The following MYO10 variants were observed in gnomAD, a reference collection of about 807,000 sequenced individuals.
MYO10 encodes the protein unconventional myosin-X.
A neutral mutation model predicts 257.3 loss-of-function variants in MYO10; 133 were observed. The ratio of observed to expected loss-of-function variants is 0.52; its 90% CI spans 0.45 to 0.60. The LOEUF (loss-of-function observed/expected upper bound fraction) is 0.60. Ranked by LOEUF, MYO10 falls within the 20% of genes least tolerant of loss-of-function variation. The pLI, the probability that MYO10 is intolerant of heterozygous loss-of-function variation, is 0.00. For synonymous variants in MYO10, 1,104 were observed against 1,028.6 expected, an observed-to-expected ratio of 1.07 and a Z score of -1.40; for missense variants, 2,399 against 2,635.7, an observed-to-expected ratio of 0.91 and a Z score of 1.97.
At chr5:16,671,372 T>G in intron 38 of MYO10, 50 bp downstream of exon 38, 1 of 1,603,902 alleles carries the variant, frequency 6.2e-7, no homozygotes, top group Non-Finnish European at 8.5e-7. Context: ...ATTAACAGGT[T>G]TCACCCTTGC....
rs571610924 is a variant in MYO10 at position 16,766,586 on chromosome 5, C to T, written c.1061-388G>A. Among the ~76,000 whole-genome samples, 11 of 152,014 alleles carry T rather than the reference C, an allele frequency of 7.2e-5. 1 individual carries two copies. Among genetic ancestry groups the T allele is most frequent in the East Asian group, 2.0e-4 (1 of 5,110 alleles). On this transcript the variant is annotated intron_variant, in intron 10 of 40. Transcript: ENST00000513610. ...CTGGGACTATAGGCACCCGCTACCA[C>T]GCCTGGCTAATTTTTTTGCATATTT...
At chr5:16,703,449 T>A (rs2402318) in intron 22 of MYO10, among the ~76,000 whole-genome samples, 61,420 of 152,082 alleles carry the variant, frequency 0.4, 12,989 homozygotes, top group South Asian at 0.67. Flanking sequence ...GTTGGGTAAA[T>A]AGTTCCCAAA....
At chr5:16,831,007 T>C (rs760237749) in intron 2 of MYO10, among the ~76,000 whole-genome samples, 1 of 152,106 alleles carries the variant, frequency 6.6e-6, no homozygotes, top group Non-Finnish European at 1.5e-5. Context: ...AATGTCAATA[T>C]CCTGGCTGGG....
At position 16,781,752 on chromosome 5, in the gene MYO10, A is replaced by C; in HGVS notation, c.680T>G (p.Leu227Arg). Residue 227 changes from leucine to arginine, a missense_variant, in exon 6 of 41, where the codon CTG (leucine) becomes CGG (arginine). Coordinates refer to ENST00000513610, the MANE Select transcript of MYO10 (RefSeq NM_012334.3). The part of the protein sequence containing the change: ...NSSRFGKFVQ[L>R]NICQKGNIQG... ...AATATTTCCTTTCTGACAGATGTTC[A>C]GCTGAACAAACTTCCCAAAGCGACT... is the stretch of plus-strand genomic sequence containing the variant. 1 of 1,613,994 alleles carries C rather than the reference A, an allele frequency of 6.2e-7. No homozygotes were observed. Among genetic ancestry groups the C allele is most frequent in the Non-Finnish European group, 8.5e-7 (1 of 1,179,876 alleles).
Position 16,699,449 on chromosome 5 carries a change from C to A in MYO10, c.3556+1G>T. On this transcript the variant is annotated splice_donor_variant, in intron 26 of 40. Transcript: ENST00000513610. LOFTEE classifies it high-confidence loss of function. ...AGACTCCATGGCGGCTGCAGTCATA[C>A]CTTTCATGTACAGAAAGCTGTGGAA... 6.2e-7 allele frequency: 1 copy of A among 1,613,566 alleles called. No homozygotes were observed. Among genetic ancestry groups the A allele is most frequent in the Non-Finnish European group, 8.5e-7 (1 of 1,179,704 alleles).
At chr5:16,686,816 T>G (rs971678456) in intron 28 of MYO10, among the ~76,000 whole-genome samples, 2 of 152,182 alleles carry the variant, frequency 1.3e-5, no homozygotes, top group Admixed American at 6.5e-5. Context: ...CATGAGCCAT[T>G]GTGCCTGGCC....
chr5:16,696,855 CA>C (rs11284007), intron 26 of MYO10, among the ~76,000 whole-genome samples: 27,102 of 99,282 alleles, frequency 0.27, 1,618 homozygotes, highest in South Asian at 0.33. Flanking sequence ...GACTCTGTCT[CA>C]AAAAAAAAAA....
intron 1 of MYO10, among the ~76,000 whole-genome samples, chr5:16,923,461 G>C (rs1746045579): frequency 6.6e-6 from 1 of 151,604 alleles, no homozygotes; most frequent in East Asian, 2.0e-4. Context: ...TAATTTTTTT[G>C]TATTTTTAGT....
chr5:16,905,486 C>T (rs577375280), intron 1 of MYO10, among the ~76,000 whole-genome samples: 1 of 152,202 alleles, frequency 6.6e-6, no homozygotes, highest in Admixed American at 6.5e-5. Context: ...GGTCTCCCTG[C>T]AATCAGAGCC....
At chr5:16,881,677 G>T (rs2126765539) in intron 1 of MYO10, among the ~76,000 whole-genome samples, 1 of 152,274 alleles carries the variant, frequency 6.6e-6, no homozygotes. Flanking sequence ...GCTGAAATAG[G>T]TATTTTTTAC....
intron 39 of MYO10, among the ~76,000 whole-genome samples, chr5:16,669,187 C>A (rs1270782634): frequency 6.6e-6 from 1 of 151,346 alleles, no homozygotes; most frequent in Non-Finnish European, 1.5e-5. Flanking sequence ...ACATTCTCTG[C>A]ATCCTCCATG....
chr5:16,783,200 C>A, intron 5 of MYO10, 135 bp downstream of exon 5: 1 of 926,212 alleles, frequency 1.1e-6, no homozygotes, highest in Admixed American at 3.1e-5. Flanking sequence ...ATGGCAAGAC[C>A]TTTTCTTAAG....
rs147054337 is a variant in MYO10 at position 16,910,594 on chromosome 5, A to G, written c.21+25194T>C. Among the ~76,000 whole-genome samples the G allele has an allele frequency of 1.0e-3, 155 of 152,368 alleles. 2 individuals carry two copies. Among genetic ancestry groups the G allele is most frequent in the African/African-American group, 3.7e-3 (154 of 41,584 alleles). On this transcript the variant is annotated intron_variant, in intron 1 of 40. Transcript: ENST00000513610. ...TTAGTAAAAACTAGTAATAGAAACTAAACTACCTAATGCTTTTTCAGTGCT... is the reference window on the plus strand; with the variant it reads ...TTAGTAAAAACTAGTAATAGAAACTGAACTACCTAATGCTTTTTCAGTGCT...
chr5:16,905,026 G>C (rs1745482945), intron 1 of MYO10, among the ~76,000 whole-genome samples: 1 of 152,160 alleles, frequency 6.6e-6, no homozygotes, highest in Non-Finnish European at 1.5e-5. Flanking sequence ...TTAATACTGG[G>C]ACTAAATCAC....
intron 19 of MYO10, among the ~76,000 whole-genome samples, chr5:16,731,403 A>G (rs1383538912): frequency 6.6e-6 from 1 of 150,836 alleles, no homozygotes; most frequent in Admixed American, 6.6e-5. Context: ...GAGTGCAGTC[A>G]TGAGATCTCG....
intron 1 of MYO10, among the ~76,000 whole-genome samples, chr5:16,881,263 G>A (rs1744748287): frequency 1.3e-5 from 2 of 152,146 alleles, no homozygotes; most frequent in Admixed American, 1.3e-4. Context: ...CTGTCAGCAG[G>A]ATTAATATGT....
chr5:16,721,583 T>C (rs1028051498), intron 19 of MYO10, among the ~76,000 whole-genome samples: 3 of 152,138 alleles, frequency 2.0e-5, no homozygotes, highest in Admixed American at 2.0e-4. Context: ...AGGAAGGTAG[T>C]AAGCAGGGCC....
chr5:16,737,233 T>C (rs754100583), intron 19 of MYO10, among the ~76,000 whole-genome samples: 2 of 152,224 alleles, frequency 1.3e-5, no homozygotes, highest in African/African-American at 2.4e-5. Context: ...ACTTTGGGTA[T>C]ATTACAGAAT....
At chr5:16,842,509 CAT>C (rs989713759) in intron 2 of MYO10, among the ~76,000 whole-genome samples, 3 of 152,192 alleles carry the variant, frequency 2.0e-5, no homozygotes, top group African/African-American at 7.2e-5. Flanking sequence ...TGGCCTGACA[CAT>C]GTCATACCTC....
Sources: allele counts gnomAD v4.1 joint callset (sites outside exome capture counted in the v4.1 genomes callset), GRCh38; gene constraint gnomAD v4.1.1; transcripts MANE v1.5; gene names NCBI Gene and HGNC (gene_info 2026-07-23, HGNC 2026-07-21).